LINC00305: variants seen among roughly 807,000 people sequenced by gnomAD.
LINC00305 encodes the protein long independently transcribed non-coding RNA 305.
chr18:64,132,405 C>G (rs1012429801), intron 1 of LINC00305, among the ~76,000 whole-genome samples: 9 of 152,096 alleles, frequency 5.9e-5, no homozygotes, highest in Admixed American at 3.3e-4. Flanking sequence ...AAAGGGGTGC[C>G]TCATTATATT....
chr18:64,083,642 A>C (rs192693083), intron 3 of LINC00305, among the ~76,000 whole-genome samples: 1 of 152,320 alleles, frequency 6.6e-6, no homozygotes, highest in East Asian at 1.9e-4. Context: ...AGAGAAAAGG[A>C]GCACGGGCCC....
chr18:64,081,023 G>A (rs1331120472), intron 3 of LINC00305, among the ~76,000 whole-genome samples: 1 of 152,176 alleles, frequency 6.6e-6, no homozygotes, highest in Non-Finnish European at 1.5e-5. Flanking sequence ...GTGTGTCTGT[G>A]TGTTTAAGTA....
At chr18:64,128,030 G>T (rs1057365227) in intron 1 of LINC00305, among the ~76,000 whole-genome samples, 1 of 151,608 alleles carries the variant, frequency 6.6e-6, no homozygotes, top group Non-Finnish European at 1.5e-5. Context: ...CTTCTTTTGG[G>T]TTTTTTTTCT....
intron 3 of LINC00305, among the ~76,000 whole-genome samples, chr18:64,095,761 A>T (rs2051242704): frequency 6.6e-6 from 1 of 152,174 alleles, no homozygotes; most frequent in African/African-American, 2.4e-5. Context: ...ATACATTTGG[A>T]GTTTCGATAT....
chr18:64,144,877 C>T (rs953850400), intron 1 of LINC00305, among the ~76,000 whole-genome samples: 1 of 152,110 alleles, frequency 6.6e-6, no homozygotes, highest in Non-Finnish European at 1.5e-5. Flanking sequence ...ACCAAGATTC[C>T]TATCCCAGAA....
intron 3 of LINC00305, among the ~76,000 whole-genome samples, chr18:64,085,600 C>G (rs1216439940): frequency 6.6e-6 from 1 of 152,040 alleles, no homozygotes; most frequent in Non-Finnish European, 1.5e-5. Flanking sequence ...GTAGCTGGGA[C>G]TACAGGTGCA....
At chr18:64,118,919 T>C (rs1198369509) in intron 1 of LINC00305, among the ~76,000 whole-genome samples, 1 of 151,426 alleles carries the variant, frequency 6.6e-6, no homozygotes, top group African/African-American at 2.4e-5. Flanking sequence ...AGTAGGGTCT[T>C]GATAAATATG....
At chr18:64,143,749 ACATGTATGTACACATATTATGCG>A (rs1568120304) in intron 1 of LINC00305, among the ~76,000 whole-genome samples, 17 of 71,874 alleles carry the variant, frequency 2.4e-4, no homozygotes, top group Middle Eastern at 0.016. Flanking sequence ...TATTATGCGT[ACATGTATGTACACATATTATGCG>A]TACATGTATG....
chr18:64,109,595 G>A (rs2051306386), intron 1 of LINC00305, among the ~76,000 whole-genome samples: 1 of 152,096 alleles, frequency 6.6e-6, no homozygotes, highest in African/African-American at 2.4e-5. Context: ...TATGTATTCA[G>A]CGTCTACCAG....
Position 64,086,462 on chromosome 18 carries a change from A to T in LINC00305, n.541-6060T>A, listed in dbSNP as rs1773572589. 2.0e-5 allele frequency among the ~76,000 whole-genome samples: 3 copies of T among 152,232 alleles called. No homozygotes were observed. The South Asian group carries it at 6.2e-4, about 31-fold the overall frequency. ...TATTTTCCAAAAATTGAAAAAACAA[A>T]TAGAGAATTTCTTGATAGTTGTAGC... is the stretch of plus-strand genomic sequence containing the variant. On this transcript the variant is annotated intron_variant and non_coding_transcript_variant, in intron 3 of 3. Transcript: ENST00000666468.
At chr18:64,098,852 C>T (rs943740279) in intron 1 of LINC00305, among the ~76,000 whole-genome samples, 2 of 152,100 alleles carry the variant, frequency 1.3e-5, no homozygotes, top group East Asian at 1.9e-4. Flanking sequence ...GTTATGTGTG[C>T]GGTTGGCTTA....
chr18:64,121,583 C>G (rs760658866), intron 1 of LINC00305, among the ~76,000 whole-genome samples: 1 of 152,030 alleles, frequency 6.6e-6, no homozygotes, highest in Admixed American at 6.6e-5. Context: ...TTTCTTTATC[C>G]AGTCATTTGT....
chr18:64,089,815 A>G (rs896350624), intron 3 of LINC00305, among the ~76,000 whole-genome samples: 1 of 152,166 alleles, frequency 6.6e-6, no homozygotes, highest in African/African-American at 2.4e-5. Context: ...TGTGCAGGGA[A>G]ACTCCACCTT....
At chr18:64,122,012 G>C (rs2051364189) in intron 1 of LINC00305, among the ~76,000 whole-genome samples, 1 of 151,882 alleles carries the variant, frequency 6.6e-6, no homozygotes, top group Non-Finnish European at 1.5e-5. Context: ...AATGTCTTTT[G>C]CCCACTTTTT....
At chr18:64,095,370 C>A (rs929298345) in intron 3 of LINC00305, among the ~76,000 whole-genome samples, 1 of 152,040 alleles carries the variant, frequency 6.6e-6, no homozygotes, top group Non-Finnish European at 1.5e-5. Flanking sequence ...AGGAAAGGAG[C>A]TAGTTTTGAA....
chr18:64,092,094 C>T (rs1049972213), intron 3 of LINC00305, among the ~76,000 whole-genome samples: 55 of 152,274 alleles, frequency 3.6e-4, no homozygotes, highest in African/African-American at 1.3e-3. Context: ...CCAACATTTC[C>T]CTTAGGTTAA....
chr18:64,134,520 C>A (rs1030107493), intron 1 of LINC00305, among the ~76,000 whole-genome samples: 1 of 152,104 alleles, frequency 6.6e-6, no homozygotes, highest in African/African-American at 2.4e-5. Context: ...GCATACCTAC[C>A]TTTTAGTCAA....
At chr18:64,118,917 C>G (rs1283043598) in intron 1 of LINC00305, among the ~76,000 whole-genome samples, 3 of 150,644 alleles carry the variant, frequency 2.0e-5, no homozygotes, top group African/African-American at 7.3e-5. Flanking sequence ...AAAGTAGGGT[C>G]TTGATAAATA....
chr18:64,136,225 A>T (rs947117592), intron 1 of LINC00305, among the ~76,000 whole-genome samples: 2 of 152,190 alleles, frequency 1.3e-5, no homozygotes, highest in African/African-American at 4.8e-5. Flanking sequence ...GGACTTGTTT[A>T]GGTATCTGCC....
Sources: allele counts gnomAD v4.1 joint callset (sites outside exome capture counted in the v4.1 genomes callset), GRCh38; gene constraint gnomAD v4.1.1; transcripts MANE v1.5; gene names NCBI Gene and HGNC (gene_info 2026-07-23, HGNC 2026-07-21).